The following PAK2 variants were observed in gnomAD, a reference collection of about 807,000 sequenced individuals.
PAK2 encodes the protein p21 (RAC1) activated kinase 2.
PAK2 carries 21 observed loss-of-function variants against 65.9 expected under a neutral mutation model. That is an observed-to-expected ratio of 0.32 (90% CI 0.23 to 0.46). PAK2 has a LOEUF of 0.46. Ranked by LOEUF, PAK2 falls within the 20% of genes least tolerant of loss-of-function variation. PAK2 has a pLI of 1.00. For synonymous variants in PAK2, 204 were observed against 219.7 expected, an observed-to-expected ratio of 0.93 and a Z score of 0.63; for missense variants, 324 against 642.6, an observed-to-expected ratio of 0.50 and a Z score of 5.36.
At chr3:196,810,554 T>TCAATTTACAATTAC in intron 7 of PAK2, 36 bp from the exon 8 acceptor site, 1 of 1,158,736 alleles carries the variant, frequency 8.6e-7, no homozygotes. Context: ...ACACTTAAAA[T>TCAATTTACAATTAC]GCTTGACTGA....
chr3:196,812,215 C>T lies in PAK2; in HGVS notation c.774-4C>T. The T allele has an allele frequency of 6.4e-7, 1 of 1,563,182 alleles. No homozygotes were observed. Among genetic ancestry groups the T allele is most frequent in the East Asian group, 2.2e-5 (1 of 44,616 alleles). Reference sequence around the variant, plus strand: ...AAATCTGGTTGTGTGTTTTCTCCCTCTAGGGCTTCTGGTACAGTTTTCACT... The same window carrying T: ...AAATCTGGTTGTGTGTTTTCTCCCTTTAGGGCTTCTGGTACAGTTTTCACT... On this transcript the variant is annotated splice_polypyrimidine_tract_variant and splice_region_variant and intron_variant, in intron 8 of 14. Transcript: ENST00000327134.
At chr3:196,753,972 G>A (rs184211509) in intron 1 of PAK2, among the ~76,000 whole-genome samples, 9 of 152,042 alleles carry the variant, frequency 5.9e-5, no homozygotes, top group East Asian at 3.9e-4. Flanking sequence ...TAATTATTAG[G>A]TTGGCTCACC....
chr3:196,767,415 A>T (rs959807351), intron 1 of PAK2, among the ~76,000 whole-genome samples: 3 of 88,832 alleles, frequency 3.4e-5, no homozygotes, highest in African/African-American at 1.0e-4. Flanking sequence ...AGGAGGAAAA[A>T]ATCAATTAAT....
At chr3:196,763,483 TCAGA>T (rs1714052791) in intron 1 of PAK2, among the ~76,000 whole-genome samples, 1 of 152,118 alleles carries the variant, frequency 6.6e-6, no homozygotes, top group African/African-American at 2.4e-5. Flanking sequence ...CTTGAAGGCC[TCAGA>T]TCCGTTTTCG....
chr3:196,829,369 T>TA lies in PAK2; in HGVS notation c.*964_*965insA, dbSNP rs1370299746. Reference sequence around the variant, plus strand: ...GCAATTTTAGGTTTAGGTTTGTTCTTTTTCTTTTTCATTAATCCTCTCTCA... The same window carrying TA: ...GCAATTTTAGGTTTAGGTTTGTTCTTATTTCTTTTTCATTAATCCTCTCTCA... On this transcript the variant is annotated 3_prime_UTR_variant, in exon 15 of 15. Transcript: ENST00000327134. 2 of 152,428 alleles carry TA rather than the reference T, an allele frequency of 1.3e-5. No homozygotes were observed. The highest frequency in any genetic ancestry group is 4.8e-5 in the African/African-American group (2 of 41,450). The allele number at this position is 152,428 out of a possible 1,614,324, so 9.4% of individuals were successfully genotyped here. A position where few individuals can be genotyped will look rare whatever the true frequency, so the allele number is the denominator to read the frequency against.
chr3:196,804,844 TA>T (rs1168043432), intron 4 of PAK2, among the ~76,000 whole-genome samples: 179 of 113,658 alleles, frequency 1.6e-3, no homozygotes, highest in African/African-American at 5.8e-3. Flanking sequence ...TATATATATA[TA>T]CACACACACA....
At chr3:196,797,324 G>A (rs1346559459) in intron 2 of PAK2, among the ~76,000 whole-genome samples, 2 of 152,122 alleles carry the variant, frequency 1.3e-5, no homozygotes, top group Admixed American at 6.6e-5. Context: ...TTAGCTGGGC[G>A]TGGTGGCAGG....
chr3:196,763,718 T>C (rs182038284), intron 1 of PAK2, among the ~76,000 whole-genome samples: 44 of 152,318 alleles, frequency 2.9e-4, no homozygotes, highest in Admixed American at 2.5e-3. Flanking sequence ...AAATAGAATA[T>C]AGACAAGTAT....
At chr3:196,769,593 C>T (rs1257477092) in intron 1 of PAK2, among the ~76,000 whole-genome samples, 2 of 151,158 alleles carry the variant, frequency 1.3e-5, no homozygotes, top group Admixed American at 6.6e-5. Context: ...GGGCGGATCA[C>T]GAGGTCAGGA....
chr3:196,750,342 G>A (rs7648479), intron 1 of PAK2, among the ~76,000 whole-genome samples: 2 of 151,766 alleles, frequency 1.3e-5, no homozygotes, highest in South Asian at 2.1e-4. Flanking sequence ...ACTCTGTTGC[G>A]CAGGCTGGTA....
At chr3:196,757,579 T>C (rs1027472108) in intron 1 of PAK2, among the ~76,000 whole-genome samples, 4 of 151,844 alleles carry the variant, frequency 2.6e-5, no homozygotes, top group Admixed American at 6.6e-5. Flanking sequence ...TTTTATTATA[T>C]AAGAATAAAA....
intron 1 of PAK2, among the ~76,000 whole-genome samples, chr3:196,755,940 G>A (rs1713754417): frequency 6.6e-6 from 1 of 152,080 alleles, no homozygotes; most frequent in Non-Finnish European, 1.5e-5. Flanking sequence ...ATTTTCAATA[G>A]AGACGGGGTT....
At chr3:196,766,903 TA>T (rs146449926) in intron 1 of PAK2, among the ~76,000 whole-genome samples, 31 of 145,028 alleles carry the variant, frequency 2.1e-4, no homozygotes, top group South Asian at 4.4e-4. Flanking sequence ...TTCTTCCATT[TA>T]AAAAAAAAAT....
intron 13 of PAK2, among the ~76,000 whole-genome samples, chr3:196,821,700 A>T (rs1443839247): frequency 6.6e-6 from 1 of 152,188 alleles, no homozygotes. Context: ...AAATAAATAA[A>T]TGTTGGTGAG....
intron 2 of PAK2, among the ~76,000 whole-genome samples, chr3:196,793,486 C>G (rs1357257169): frequency 2.0e-5 from 3 of 152,084 alleles, no homozygotes; most frequent in Non-Finnish European, 4.4e-5. Flanking sequence ...TGGCTTAACT[C>G]CCAGTTAGCT....
chr3:196,819,210 G>C (rs1711577931), intron 12 of PAK2, among the ~76,000 whole-genome samples: 1 of 152,200 alleles, frequency 6.6e-6, no homozygotes. Flanking sequence ...GGGAGGTCGA[G>C]GCAGGTGGAT....
In PAK2 at chr3:196,791,914, G is replaced by GACTCCGTCAAA. The variant is rs1715084582; in HGVS notation, c.187+9083_187+9093dup. Among the ~76,000 whole-genome samples the GACTCCGTCAAA allele has an allele frequency of 5.7e-5, 8 of 140,196 alleles. No homozygotes were observed. The South Asian group carries it at 1.8e-3, about 31-fold the overall frequency. The allele number at this position is 140,196 out of a possible 152,430, so 92.0% of individuals were successfully genotyped here. ...CACTCCAACCTGGGCGACAGAGCGA[G>GACTCCGTCAAA]ACTCCGTCAAAAAAAAAAAAAAAGA... On this transcript the variant is annotated intron_variant, in intron 2 of 14. Transcript: ENST00000327134. This position sits in a 1 kb window ranked among gnomAD's most constrained non-coding sequence, Gnocchi z 4.0.
At chr3:196,815,647 T>C (rs1349064715) in intron 11 of PAK2, among the ~76,000 whole-genome samples, 1 of 151,364 alleles carries the variant, frequency 6.6e-6, no homozygotes, top group Non-Finnish European at 1.5e-5. Flanking sequence ...ATTAGCTGGG[T>C]GTGGTGGTAC....
At chr3:196,751,660 AATTTATTT>A (rs1189563543) in intron 1 of PAK2, among the ~76,000 whole-genome samples, 1 of 40,260 alleles carries the variant, frequency 2.5e-5, no homozygotes, top group Non-Finnish European at 4.1e-5. Context: ...AAAACACACA[AATTTATTT>A]ATATACATAT....
Sources: allele counts gnomAD v4.1 joint callset (sites outside exome capture counted in the v4.1 genomes callset), GRCh38; gene constraint gnomAD v4.1.1; non-coding constraint Gnocchi (gnomAD v3.1); transcripts MANE v1.5; gene names NCBI Gene and HGNC (gene_info 2026-07-23, HGNC 2026-07-21).